Variants in GAN observed in about 807,000 individuals in gnomAD.
GAN encodes gigaxonin, also known as epididymis secretory sperm binding protein.
In GAN, 48 loss-of-function variants were observed where a neutral mutation model predicts 71.3. That is an observed-to-expected ratio of 0.67 (90% CI 0.53 to 0.86). The LOEUF (loss-of-function observed/expected upper bound fraction) is 0.86, where lower values mean the gene tolerates loss of function less well. GAN is among the 40% of genes least tolerant of loss of function. The pLI, the probability that GAN is intolerant of heterozygous loss-of-function variation, is 0.00. For synonymous variants in GAN, 386 were observed against 276.8 expected, an observed-to-expected ratio of 1.39 and a Z score of -3.92; for missense variants, 928 against 770.1, an observed-to-expected ratio of 1.21 and a Z score of -2.43.
chr16:81,357,742 G>C, intron 4 of GAN, 68 bp from the exon 5 acceptor site: 3 of 1,397,158 alleles, frequency 2.1e-6, no homozygotes, highest in Non-Finnish European at 3.1e-6. Flanking sequence ...ACTAAAACTA[G>C]TGATGGCTAC....
chr16:81,367,304 C>G (rs1195457490), intron 9 of GAN, among the ~76,000 whole-genome samples: 2 of 152,086 alleles, frequency 1.3e-5, no homozygotes, highest in Non-Finnish European at 2.9e-5. Context: ...GGGCAGATCA[C>G]TTGAGGCCAG....
intron 2 of GAN, among the ~76,000 whole-genome samples, chr16:81,353,290 T>TGAAAAAAAAAAAAAAAAAAAAAAAAA (rs1169588641): frequency 3.5e-5 from 1 of 28,522 alleles, no homozygotes; most frequent in African/African-American, 1.8e-4. Flanking sequence ...AGACTCCGTC[T>TGAAAAAAAAAAAAAAAAAAAAAAAAA]CAAAAAAAAA....
At chr16:81,358,572 G>T (rs1356663080) in intron 5 of GAN, among the ~76,000 whole-genome samples, 1 of 151,522 alleles carries the variant, frequency 6.6e-6, no homozygotes, top group Non-Finnish European at 1.5e-5. Context: ...TCACACCACT[G>T]CATTCCAGCC....
intron 1 of GAN, among the ~76,000 whole-genome samples, chr16:81,318,602 G>C (rs1909122862): frequency 6.6e-6 from 1 of 152,228 alleles, no homozygotes; most frequent in Non-Finnish European, 1.5e-5. Context: ...GGGAATTAAA[G>C]TAACTTGTTT....
Position 81,377,344 on chromosome 16 carries a change from T to A in GAN, c.1612+16T>A. 1 of 1,584,246 alleles carries A rather than the reference T, an allele frequency of 6.3e-7. No individual in the cohort carries two copies. The highest frequency in any genetic ancestry group is 8.7e-7 in the Non-Finnish European group (1 of 1,152,712). On this transcript the variant is annotated intron_variant, in intron 10 of 10. Transcript: ENST00000648994. ...CTTGATACAGGTAAGAGTGTTACAG[T>A]GATTTTCTTGGAACTGTTTCCTGGT... is the stretch of plus-strand genomic sequence containing the variant.
At chr16:81,345,319 C>G (rs1910082593) in intron 1 of GAN, among the ~76,000 whole-genome samples, 1 of 152,136 alleles carries the variant, frequency 6.6e-6, no homozygotes, top group South Asian at 2.1e-4. Context: ...TGATGCGGCA[C>G]TATTCACAAT....
At chr16:81,326,246 C>T (rs1050656444) in intron 1 of GAN, among the ~76,000 whole-genome samples, 3 of 151,932 alleles carry the variant, frequency 2.0e-5, no homozygotes, top group East Asian at 1.9e-4. Context: ...GGTTGGGTGC[C>T]GTGGCTCAAG....
intron 5 of GAN, among the ~76,000 whole-genome samples, chr16:81,358,825 C>T (rs1567493306): frequency 6.6e-6 from 1 of 152,306 alleles, no homozygotes; most frequent in East Asian, 1.9e-4. Context: ...TCGCCGTGGT[C>T]CTGCTCCCTT....
intron 1 of GAN, among the ~76,000 whole-genome samples, chr16:81,317,624 T>G (rs1909086025): frequency 6.6e-6 from 1 of 152,252 alleles, no homozygotes; most frequent in Admixed American, 6.5e-5. Context: ...TAGTGACTTG[T>G]GTTATGAGGT....
chr16:81,357,075 A>G, intron 4 of GAN, 73 bp downstream of exon 4: 1 of 943,652 alleles, frequency 1.1e-6, no homozygotes, highest in South Asian at 1.3e-5. Context: ...AAGAATTCAT[A>G]ATGCTTTTCA....
Position 81,354,725 on chromosome 16 carries a change from A to G in GAN, c.603A>G (p.Arg201=), listed in dbSNP as rs756800242. The change falls in exon 3 of 11, where the codon CGA becomes CGG. Residue 201 remains arginine (R), a synonymous_variant. Transcript: ENST00000648994. ...NERYVFEAVI[R]WIAHDTEIRK... ...GATATGTCTTTGAAGCAGTAATTCG[A>G]TGGATAGCACATGATACAGAAATAA... 1.2e-6 allele frequency: 2 copies of G among 1,602,830 alleles called. No homozygotes were observed. Among genetic ancestry groups the G allele is most frequent in the South Asian group, 1.1e-5 (1 of 90,834 alleles).
intron 5 of GAN, among the ~76,000 whole-genome samples, chr16:81,360,802 T>C (rs1331233946): frequency 2.0e-5 from 3 of 152,240 alleles, no homozygotes; most frequent in Non-Finnish European, 4.4e-5. Flanking sequence ...AAATCATCTT[T>C]CTGGTTACTA....
intron 5 of GAN, among the ~76,000 whole-genome samples, chr16:81,358,470 A>G (rs1205286751): frequency 6.6e-6 from 1 of 152,088 alleles, no homozygotes; most frequent in Non-Finnish European, 1.5e-5. Context: ...TTAGCCAGGC[A>G]TAGTGGCATG....
At chr16:81,319,506 C>T (rs1401860079) in intron 1 of GAN, among the ~76,000 whole-genome samples, 2 of 152,156 alleles carry the variant, frequency 1.3e-5, no homozygotes, top group African/African-American at 4.8e-5. Context: ...AAATGAACGG[C>T]TATGTGCTTC....
chr16:81,363,947 A>G lies in GAN; in HGVS notation c.1236+4A>G. 1 of 1,610,512 alleles carries G rather than the reference A, an allele frequency of 6.2e-7. No individual in the cohort carries two copies. Among genetic ancestry groups the G allele is most frequent in the Non-Finnish European group, 8.5e-7 (1 of 1,176,692 alleles). On this transcript the variant is annotated splice_donor_region_variant and intron_variant, in intron 7 of 10. Coordinates refer to ENST00000648994, the MANE Select transcript of GAN (RefSeq NM_022041.4). ...TGATTTGACCATGGTCAGAAAGGTG[A>G]GGACTGCATTTTGTGATAACTAGTC...
At position 81,379,635 on chromosome 16, in the gene GAN, A is replaced by G. The variant is rs1411994623; in HGVS notation, c.*2039A>G. The G allele has an allele frequency of 6.6e-6, 1 of 152,230 alleles. No homozygotes were observed. The highest frequency in any genetic ancestry group is 1.5e-5 in the Non-Finnish European group (1 of 68,044). 9.4% of individuals were successfully genotyped at this position (152,230 alleles called of 1,614,324 possible). A position where few individuals can be genotyped will look rare whatever the true frequency, so the allele number is the denominator to read the frequency against. Reference sequence around the variant, plus strand: ...TAGATATTAGTTTTAGAGGAAGGAAATAGCTGAAAAACTAAATTTGCTTTG... The same window carrying G: ...TAGATATTAGTTTTAGAGGAAGGAAGTAGCTGAAAAACTAAATTTGCTTTG... On this transcript the variant is annotated 3_prime_UTR_variant, in exon 11 of 11. Transcript: ENST00000648994.
chr16:81,324,778 G>A (rs898664478), intron 1 of GAN, among the ~76,000 whole-genome samples: 1 of 152,212 alleles, frequency 6.6e-6, no homozygotes, highest in African/African-American at 2.4e-5. Context: ...GGGCAGTGGT[G>A]TATTTTAAAA....
chr16:81,340,999 C>G (rs1909922766), intron 1 of GAN, among the ~76,000 whole-genome samples: 1 of 151,670 alleles, frequency 6.6e-6, no homozygotes, highest in South Asian at 2.1e-4. Flanking sequence ...GAAGTATACA[C>G]AAGCTTCAGT....
chr16:81,315,102 G>T lies in GAN; in HGVS notation c.-12G>T. Reference sequence around the variant, plus strand: ...GGGAGCCGGACCCGTCGGCAGAGGAGCGGGCGCCGCGATGGCTGAGGGCAG... The same window carrying T: ...GGGAGCCGGACCCGTCGGCAGAGGATCGGGCGCCGCGATGGCTGAGGGCAG... On this transcript the variant is annotated 5_prime_UTR_variant, in exon 1 of 11. Transcript: ENST00000648994. 7 of 1,484,780 alleles carry T rather than the reference G, an allele frequency of 4.7e-6. No individual in the cohort carries two copies. Among genetic ancestry groups the T allele is most frequent in the Admixed American group, 2.2e-5 (1 of 44,746 alleles). The allele number at this position is 1,484,780 out of a possible 1,614,324, so 92.0% of individuals were successfully genotyped here.
Sources: allele counts gnomAD v4.1 joint callset (sites outside exome capture counted in the v4.1 genomes callset), GRCh38; gene constraint gnomAD v4.1.1; transcripts MANE v1.5; gene names NCBI Gene and HGNC (gene_info 2026-07-23, HGNC 2026-07-21).